Variants in CSMD1 observed in about 807,000 individuals in gnomAD.
CSMD1 encodes the protein CUB and sushi domain-containing protein 1.
CSMD1 carries 213 observed loss-of-function variants against 417.5 expected under a neutral mutation model. The ratio of observed to expected loss-of-function variants is 0.51; its 90% CI spans 0.46 to 0.57. The LOEUF is 0.57. Among genes scored for constraint, CSMD1 ranks in the 20% least tolerant of loss-of-function variants. The pLI, the probability that CSMD1 is intolerant of heterozygous loss-of-function variation, is 0.00. For missense variants in CSMD1, 6,923 were observed against 4,529.7 expected (o/e 1.53, Z -15.17); for synonymous variants, 2,862 against 1,736.8 (o/e 1.65, Z -16.11).
intron 1 of CSMD1, among the ~76,000 whole-genome samples, chr8:4,719,712 C>A (rs1235480646): frequency 1.3e-5 from 2 of 152,116 alleles, no homozygotes; most frequent in Non-Finnish European, 2.9e-5. Flanking sequence ...TCAGTAAAAG[C>A]TACCCAGTTT....
intron 51 of CSMD1, among the ~76,000 whole-genome samples, chr8:3,023,677 C>T (rs1240620843): frequency 6.6e-6 from 1 of 151,992 alleles, no homozygotes; most frequent in African/African-American, 2.4e-5. Flanking sequence ...CAGCGGATTC[C>T]ACAGTTGTCA....
chr8:4,508,577 A>G (rs1002257903), intron 2 of CSMD1, among the ~76,000 whole-genome samples: 3 of 152,166 alleles, frequency 2.0e-5, no homozygotes, highest in Non-Finnish European at 4.4e-5. Flanking sequence ...GAGAATCAGA[A>G]TATGCCATAT....
intron 12 of CSMD1, among the ~76,000 whole-genome samples, chr8:3,440,547 T>C (rs189458124): frequency 1.2e-3 from 179 of 152,314 alleles, no homozygotes; most frequent in African/African-American, 3.6e-3. Context: ...AGTTTATCTG[T>C]GAATTCTTTG....
chr8:3,123,046 A>G (rs1408064610), intron 41 of CSMD1, among the ~76,000 whole-genome samples: 1 of 152,242 alleles, frequency 6.6e-6, no homozygotes, highest in African/African-American at 2.4e-5. Context: ...CTCAAAGGCT[A>G]CAGTGGCGTG....
At chr8:4,695,325 C>T (rs1316583848) in intron 1 of CSMD1, among the ~76,000 whole-genome samples, 1 of 152,072 alleles carries the variant, frequency 6.6e-6, no homozygotes, top group Non-Finnish European at 1.5e-5. Flanking sequence ...GAAATAACTT[C>T]ATTCAGCCTA....
At chr8:3,504,297 G>T (rs73658136) in intron 10 of CSMD1, among the ~76,000 whole-genome samples, 1 of 152,066 alleles carries the variant, frequency 6.6e-6, no homozygotes, top group Non-Finnish European at 1.5e-5. Flanking sequence ...ACTGACAAAA[G>T]AGAGAGTCTG....
intron 3 of CSMD1, among the ~76,000 whole-genome samples, chr8:4,316,824 A>G (rs1293830063): frequency 6.6e-6 from 1 of 152,198 alleles, no homozygotes; most frequent in African/African-American, 2.4e-5. Flanking sequence ...AGCACTCGGT[A>G]AACGCAAAAT....
chr8:3,429,762 GGTT>G (rs2117014989), intron 12 of CSMD1, among the ~76,000 whole-genome samples: 1 of 152,180 alleles, frequency 6.6e-6, no homozygotes, highest in East Asian at 1.9e-4. Context: ...TAAAGTCTAT[GGTT>G]GTTGTTTTCT....
intron 4 of CSMD1, among the ~76,000 whole-genome samples, chr8:4,017,453 T>C (rs1796577789): frequency 6.6e-6 from 1 of 152,050 alleles, no homozygotes; most frequent in Admixed American, 6.5e-5. Flanking sequence ...ATTACAGGCA[T>C]GCACCAGCAT....
chr8:4,569,435 T>C (rs542856447), intron 2 of CSMD1, among the ~76,000 whole-genome samples: 127 of 152,316 alleles, frequency 8.3e-4, no homozygotes, highest in African/African-American at 2.9e-3. Flanking sequence ...GTCAGGTTTG[T>C]CAAACATCAG....
At chr8:3,457,292 A>T (rs1010418210) in intron 12 of CSMD1, among the ~76,000 whole-genome samples, 1 of 151,838 alleles carries the variant, frequency 6.6e-6, no homozygotes, top group African/African-American at 2.4e-5. Context: ...TTCACCCCTC[A>T]TCCTACACTC....
At chr8:4,218,709 A>G (rs137999046) in intron 3 of CSMD1, among the ~76,000 whole-genome samples, 1,789 of 152,284 alleles carry the variant, frequency 0.012, 37 homozygotes, top group African/African-American at 0.041. Context: ...AGAGGCAACC[A>G]TTACAGTGAT....
At chr8:4,289,238 G>A (rs1797228545) in intron 3 of CSMD1, among the ~76,000 whole-genome samples, 2 of 152,054 alleles carry the variant, frequency 1.3e-5, no homozygotes, top group South Asian at 4.1e-4. Context: ...TTCTCATATT[G>A]TTATTCAACT....
chr8:3,322,606 A>G (rs1267597796), intron 23 of CSMD1, among the ~76,000 whole-genome samples: 1 of 152,192 alleles, frequency 6.6e-6, no homozygotes, highest in Non-Finnish European at 1.5e-5. Flanking sequence ...ATAATGCACC[A>G]GGTTCCAGTA....
intron 3 of CSMD1, among the ~76,000 whole-genome samples, chr8:4,217,534 G>C (rs1334484257): frequency 6.6e-6 from 1 of 152,170 alleles, no homozygotes; most frequent in Non-Finnish European, 1.5e-5. Flanking sequence ...GGTGGTGGAA[G>C]TGTCTTCTTG....
intron 7 of CSMD1, among the ~76,000 whole-genome samples, chr8:3,692,464 C>T (rs189514553): frequency 2.1e-4 from 31 of 150,414 alleles, no homozygotes; most frequent in African/African-American, 2.7e-4. Context: ...TTTTTTGAGA[C>T]GGAGTCTCCC....
In CSMD1 at chr8:3,586,158, A is replaced by G. The variant is rs1158532547; in HGVS notation, c.1200T>C (p.Ser400=). The change falls in exon 9 of 70, where the codon AGT becomes AGC. Residue 400 remains serine (S), a synonymous_variant. Transcript: ENST00000635120. ...TACCTCGGCAGATGGGCCTGTGGTC[A>G]CTCCAAGCAGCGAGCGTCTCTGTAA... The part of the protein sequence containing the change: ...QRVTETLAAW[S]DHRPICRART... 6.2e-7 allele frequency: 1 copy of G among 1,612,598 alleles called. No homozygotes were observed. Among genetic ancestry groups the G allele is most frequent in the Admixed American group, 1.7e-5 (1 of 59,810 alleles).
intron 26 of CSMD1, among the ~76,000 whole-genome samples, chr8:3,254,089 G>A (rs1024789195): frequency 6.6e-5 from 10 of 152,172 alleles, no homozygotes; most frequent in African/African-American, 2.2e-4. Flanking sequence ...GAATCTCTCA[G>A]CATTTGCTTG....
At chr8:4,945,306 G>A (rs1808294839) in intron 1 of CSMD1, among the ~76,000 whole-genome samples, 1 of 152,132 alleles carries the variant, frequency 6.6e-6, no homozygotes, top group African/African-American at 2.4e-5. Flanking sequence ...AAATAAATAA[G>A]TCCTGGAGAT....
Sources: gnomAD v4.1 joint callset for allele counts (sites outside exome capture counted in the v4.1 genomes callset) on GRCh38, gnomAD v4.1.1 for gene constraint, MANE v1.5 for transcripts, NCBI Gene and HGNC (gene_info 2026-07-23, HGNC 2026-07-21) for gene names.